The following GTF3C4 variants were observed in gnomAD, a reference collection of about 807,000 sequenced individuals.
The protein encoded by GTF3C4 is general transcription factor 3C polypeptide 4.
GTF3C4 carries 28 observed loss-of-function variants against 67.5 expected under a neutral mutation model. The observed-to-expected ratio is 0.41, with a 90% confidence interval of 0.31 to 0.57. GTF3C4 has a LOEUF of 0.57. Among genes scored for constraint, GTF3C4 ranks in the 20% least tolerant of loss-of-function variants. The pLI, the probability that GTF3C4 is intolerant of heterozygous loss-of-function variation, is 0.21. For missense variants in GTF3C4, 831 were observed against 1,033.2 expected (o/e 0.80, Z 2.68); for synonymous variants, 409 against 393.0 (o/e 1.04, Z -0.48).
upstream of GTF3C4, chr9:132,670,197 T>C (rs1458632258): frequency 6.3e-7 from 1 of 1,578,888 alleles, no homozygotes; most frequent in East Asian, 2.3e-5. Context: ...CGGCCGAGAG[T>C]TCACGCTGGG....
At chr9:132,676,034 G>T (rs1835860309) in intron 1 of GTF3C4, among the ~76,000 whole-genome samples, 1 of 151,162 alleles carries the variant, frequency 6.6e-6, no homozygotes, top group Admixed American at 6.6e-5. Flanking sequence ...GAGTCGCTGG[G>T]ACTACAGGCA....
chr9:132,684,448 C>T (rs1835995244), intron 3 of GTF3C4, among the ~76,000 whole-genome samples: 1 of 152,162 alleles, frequency 6.6e-6, no homozygotes, highest in African/African-American at 2.4e-5. Context: ...CATCCTTGCC[C>T]CTCCAGTCTG....
At chr9:132,674,655 A>G (rs972197781) in intron 1 of GTF3C4, among the ~76,000 whole-genome samples, 4 of 152,228 alleles carry the variant, frequency 2.6e-5, no homozygotes, top group Non-Finnish European at 4.4e-5. Context: ...GAACAATTTT[A>G]TATCTACCTT....
Position 132,679,725 on chromosome 9 carries a change from A to G in GTF3C4, c.2106A>G (p.Thr702=). 7 of 1,614,190 alleles carry G rather than the reference A, an allele frequency of 4.3e-6. No homozygotes were observed. The highest frequency in any genetic ancestry group is 5.9e-6 in the Non-Finnish European group (7 of 1,180,004). The change falls in exon 2 of 5, where the codon ACA becomes ACG. Residue 702 remains threonine (T), a synonymous_variant. Transcript: ENST00000372146. The surrounding 1 kb of genome is among the most constrained non-coding windows in gnomAD (Gnocchi z 5.9). ...LGEVYLHTWI[T]ENTSIPTRGL... is the part of the protein sequence containing the mutation. ...AAGTGTATCTGCACACCTGGATCAC[A>G]GAAAACACTAGCATCCCCACCCGCG... is the stretch of plus-strand genomic sequence containing the variant.
chr9:132,679,525 C>T lies in GTF3C4; in HGVS notation c.1906C>T (p.Leu636=). 1.9e-6 allele frequency: 3 copies of T among 1,614,124 alleles called. No homozygotes were observed. Among genetic ancestry groups the T allele is most frequent in the Non-Finnish European group, 2.5e-6 (3 of 1,180,022 alleles). Reference sequence around the variant, plus strand: ...TTCCAAACAGGTGGTGAAGCAAGGCCTGCAGGAGAGGAGCAAGGAAGGAGA... The same window carrying T: ...TTCCAAACAGGTGGTGAAGCAAGGCTTGCAGGAGAGGAGCAAGGAAGGAGA... ...TSSKQVVKQG[L]QERSKEGDVE... The change falls in exon 2 of 5, where the codon CTG becomes TTG. Residue 636 remains leucine (L), a synonymous_variant. Transcript: ENST00000372146. This position sits in a 1 kb window ranked among gnomAD's most constrained non-coding sequence, Gnocchi z 5.9.
chr9:132,670,775 G>A lies in GTF3C4; in HGVS notation c.177G>A (p.Lys59=). The A allele has an allele frequency of 6.3e-7, 1 of 1,582,502 alleles. No homozygotes were observed. Among genetic ancestry groups the A allele is most frequent in the Middle Eastern group, 1.7e-4 (1 of 5,746 alleles). Residue 59 remains lysine, a synonymous_variant, in exon 1 of 5, where the codon AAG becomes AAA. Coordinates refer to ENST00000372146, the MANE Select transcript of GTF3C4 (RefSeq NM_012204.4). The stretch of plus-strand genomic sequence containing the variant: ...TGACTCGGCGGGAGCCGGCCGTGAA[G>A]CTGCAGTATGCGGTGAGCGGCCTGG... ...LMVTRREPAV[K]LQYAVSGLEP... is the part of the protein sequence containing the mutation.
At position 132,679,414 on chromosome 9, in the gene GTF3C4, C is replaced by T; in HGVS notation, c.1795C>T (p.Pro599Ser). 9 of 1,614,112 alleles carry T rather than the reference C, an allele frequency of 5.6e-6. No individual in the cohort carries two copies. The highest frequency in any genetic ancestry group is 7.6e-6 in the Non-Finnish European group (9 of 1,180,020). ...QKTPSEALWK[P>S]THEDSKILLV... is the part of the protein sequence containing the mutation. ...AACCCCTTCAGAAGCCTTGTGGAAACCCACCCATGAGGACTCAAAAATCTT... is the reference window on the plus strand; with the variant it reads ...AACCCCTTCAGAAGCCTTGTGGAAATCCACCCATGAGGACTCAAAAATCTT... The change falls in exon 2 of 5, where the codon CCC (proline) becomes TCC (serine). Residue 599 changes from proline to serine, a missense_variant. By Grantham distance (74) the Pro-to-Ser change is moderately conservative. This residue lies in a region of GTF3C4 where 75 missense variants were observed against 66.4 expected (regional missense o/e 1.13). Coordinates refer to ENST00000372146, the MANE Select transcript of GTF3C4 (RefSeq NM_012204.4). This position sits in a 1 kb window ranked among gnomAD's most constrained non-coding sequence, Gnocchi z 5.9.
At position 132,670,720 on chromosome 9, in the gene GTF3C4, CG is replaced by C; in HGVS notation, c.126del (p.Ser44AlafsTer8). On this transcript the variant is annotated frameshift_variant, in exon 1 of 5. Coordinates refer to ENST00000372146, the MANE Select transcript of GTF3C4 (RefSeq NM_012204.4). LOFTEE classifies it high-confidence loss of function. Reference sequence around the variant, plus strand: ...AAGGAGCCAGCAGCGGACGCGGCCCCGGGGCCCAGCGCTGCATTCCGCCTCA... The same window carrying C: ...AAGGAGCCAGCAGCGGACGCGGCCCCGGGCCCAGCGCTGCATTCCGCCTCA... ...GGKEPAADAA[P>X]GPSAAFRLMV... The C allele has an allele frequency of 6.5e-7, 1 of 1,528,500 alleles. No homozygotes were observed. The allele number at this position is 1,528,500 out of a possible 1,614,324, so 94.7% of individuals were successfully genotyped here. A position where few individuals can be genotyped will look rare whatever the true frequency, so the allele number is the denominator to read the frequency against.
chr9:132,675,219 G>T (rs1182644348), intron 1 of GTF3C4, among the ~76,000 whole-genome samples: 3 of 152,146 alleles, frequency 2.0e-5, no homozygotes, highest in Non-Finnish European at 4.4e-5. Context: ...CACAGAGCTG[G>T]TATGTAGCAG....
chr9:132,691,717 A>G lies in GTF3C4; in HGVS notation c.*2772A>G, dbSNP rs1836117997. ...AGACTTCAAGCAATCTCTACCTACTATTATATCTGCCAAAACTACCAATTA... is the reference window on the plus strand; with the variant it reads ...AGACTTCAAGCAATCTCTACCTACTGTTATATCTGCCAAAACTACCAATTA... On this transcript the variant is annotated 3_prime_UTR_variant, in exon 5 of 5. Transcript: ENST00000372146. The G allele has an allele frequency of 6.6e-6, 1 of 152,158 alleles. No individual in the cohort carries two copies. The highest frequency in any genetic ancestry group is 6.6e-5 in the Admixed American group (1 of 15,264). 9.4% of individuals were successfully genotyped at this position (152,158 alleles called of 1,614,324 possible).
In GTF3C4 at chr9:132,678,827, T is replaced by G. The variant is rs200074482; in HGVS notation, c.1208T>G (p.Leu403Arg). The part of the protein sequence containing the change: ...AARGSYVFWC[L>R]LLISKAGLNV... ...AGAGGCTCTTATGTATTTTGGTGTCTTCTTCTGATCTCCAAAGCAGGGCTG... is the reference window on the plus strand; with the variant it reads ...AGAGGCTCTTATGTATTTTGGTGTCGTCTTCTGATCTCCAAAGCAGGGCTG... Residue 403 changes from leucine to arginine, a missense_variant, in exon 2 of 5, where the codon CTT (leucine) becomes CGT (arginine). Coordinates refer to ENST00000372146, the MANE Select transcript of GTF3C4 (RefSeq NM_012204.4). This position sits in a 1 kb window ranked among gnomAD's most constrained non-coding sequence, Gnocchi z 6.5. The G allele has an allele frequency of 1.2e-6, 2 of 1,614,208 alleles. No homozygotes were observed. Among genetic ancestry groups the G allele is most frequent in the Non-Finnish European group, 1.7e-6 (2 of 1,180,032 alleles).
intron 2 of GTF3C4, among the ~76,000 whole-genome samples, chr9:132,682,786 G>A (rs553964065): frequency 1.2e-4 from 18 of 151,986 alleles, no homozygotes; most frequent in African/African-American, 4.3e-4. Context: ...TGTATTTTTA[G>A]TAGAGACGGG....
rs938229348 is a variant in GTF3C4, at chr9:132,691,728, C to G, written c.*2783C>G. On this transcript the variant is annotated 3_prime_UTR_variant, in exon 5 of 5. Coordinates refer to ENST00000372146, the MANE Select transcript of GTF3C4 (RefSeq NM_012204.4). Reference sequence around the variant, plus strand: ...AATCTCTACCTACTATTATATCTGCCAAAACTACCAATTATTTTTCAATGT... The same window carrying G: ...AATCTCTACCTACTATTATATCTGCGAAAACTACCAATTATTTTTCAATGT... 6.6e-6 allele frequency: 1 copy of G among 152,124 alleles called. No homozygotes were observed. The highest frequency in any genetic ancestry group is 2.4e-5 in the African/African-American group (1 of 41,412). The allele number at this position is 152,124 out of a possible 1,614,324, so 9.4% of individuals were successfully genotyped here.
At chr9:132,677,287 A>G (rs1241660561) in intron 1 of GTF3C4, among the ~76,000 whole-genome samples, 1 of 152,214 alleles carries the variant, frequency 6.6e-6, no homozygotes, top group Non-Finnish European at 1.5e-5. Context: ...TTGTAATCCC[A>G]GCCACTTGGG....
chr9:132,678,200 A>T lies in GTF3C4; in HGVS notation c.581A>T (p.Gln194Leu), dbSNP rs770891234. The T allele has an allele frequency of 1.9e-6, 3 of 1,614,250 alleles. No individual in the cohort carries two copies. Among genetic ancestry groups the T allele is most frequent in the South Asian group, 2.2e-5 (2 of 91,086 alleles). The change falls in exon 2 of 5, where the codon CAG (glutamine) becomes CTG (leucine). Residue 194 changes from glutamine (Q) to leucine (L), a missense_variant. This residue lies in a region of GTF3C4 where 390 missense variants were observed against 540.3 expected (regional missense o/e 0.72). Transcript: ENST00000372146. The surrounding 1 kb of genome is among the most constrained non-coding windows in gnomAD (Gnocchi z 6.5). ...ACCATGGACAATCGCCTGACCATCCAGGCAAATCTCAACAGACTGCAGTGG... is the reference window on the plus strand; with the variant it reads ...ACCATGGACAATCGCCTGACCATCCTGGCAAATCTCAACAGACTGCAGTGG... ...ALTMDNRLTI[Q>L]ANLNRLQWVQ... is the part of the protein sequence containing the mutation.
chr9:132,672,456 A>C (rs1194813816), intron 1 of GTF3C4, among the ~76,000 whole-genome samples: 1 of 152,232 alleles, frequency 6.6e-6, no homozygotes, highest in East Asian at 1.9e-4. Flanking sequence ...TCCAGGCGGC[A>C]GGAATGAGGC....
Position 132,670,723 on chromosome 9 carries a change from G to A in GTF3C4, c.125G>A (p.Gly42Glu), listed in dbSNP as rs1402994928. The change falls in exon 1 of 5, where the codon GGG (glycine) becomes GAG (glutamate). Residue 42 changes from glycine to glutamate, a missense_variant. Coordinates refer to ENST00000372146, the MANE Select transcript of GTF3C4 (RefSeq NM_012204.4). ...GAGCCAGCAGCGGACGCGGCCCCGGGGCCCAGCGCTGCATTCCGCCTCATG... is the reference window on the plus strand; with the variant it reads ...GAGCCAGCAGCGGACGCGGCCCCGGAGCCCAGCGCTGCATTCCGCCTCATG... ...GKEPAADAAP[G>E]PSAAFRLMVT... is the part of the protein sequence containing the mutation. 1.3e-6 allele frequency: 2 copies of A among 1,531,016 alleles called. No homozygotes were observed. The highest frequency in any genetic ancestry group is 1.2e-5 in the South Asian group (1 of 83,856). The allele number at this position is 1,531,016 out of a possible 1,614,324, so 94.8% of individuals were successfully genotyped here.
At position 132,689,257 on chromosome 9, in the gene GTF3C4, C is replaced by T; in HGVS notation, c.*312C>T. 3.2e-6 allele frequency: 1 copy of T among 315,636 alleles called. No homozygotes were observed. Among genetic ancestry groups the T allele is most frequent in the Non-Finnish European group, 6.2e-6 (1 of 161,986 alleles). 19.6% of individuals were successfully genotyped at this position (315,636 alleles called of 1,614,324 possible). On this transcript the variant is annotated 3_prime_UTR_variant, in exon 5 of 5. Coordinates refer to ENST00000372146, the MANE Select transcript of GTF3C4 (RefSeq NM_012204.4). ...TATCTTGACAGAAGCAATTTGAACACAGTGTCCCGTCATTTCTAGAAACAG... is the reference window on the plus strand; with the variant it reads ...TATCTTGACAGAAGCAATTTGAACATAGTGTCCCGTCATTTCTAGAAACAG...
At position 132,690,621 on chromosome 9, in the gene GTF3C4, A is replaced by C. The variant is rs193242113; in HGVS notation, c.*1676A>C. On this transcript the variant is annotated 3_prime_UTR_variant, in exon 5 of 5. Coordinates refer to ENST00000372146, the MANE Select transcript of GTF3C4 (RefSeq NM_012204.4). ...TTTTGTCTCCTATGTTTAATCATGT[A>C]TTTGCTATTCTGCTTATTTTTCTCA... 4.0e-5 allele frequency: 6 copies of C among 150,400 alleles called. No homozygotes were observed. The highest frequency in any genetic ancestry group is 5.9e-5 in the Non-Finnish European group (4 of 67,908). 9.3% of individuals were successfully genotyped at this position (150,400 alleles called of 1,614,324 possible).
Sources: gnomAD v4.1 joint callset for allele counts (sites outside exome capture counted in the v4.1 genomes callset) on GRCh38, gnomAD v4.1.1 for gene constraint, gnomAD v4.1.1 regional missense constraint, Gnocchi (gnomAD v3.1) non-coding constraint, MANE v1.5 for transcripts, NCBI Gene and HGNC (gene_info 2026-07-23, HGNC 2026-07-21) for gene names.